PARD3B: variants seen among roughly 807,000 people sequenced by gnomAD.
PARD3B encodes the protein par-3 family cell polarity regulator beta.
A neutral mutation model predicts 130.2 loss-of-function variants in PARD3B; 103 were observed. The observed-to-expected ratio is 0.79, with a 90% CI of 0.67 to 0.93. The LOEUF (loss-of-function observed/expected upper bound fraction) is 0.93. Ranked by LOEUF, PARD3B falls within the 40% of genes least tolerant of loss-of-function variation. PARD3B has a pLI of 0.00. For synonymous variants in PARD3B, 583 were observed against 553.2 expected (o/e 1.05, Z -0.76); for missense variants, 1,609 against 1,499.2 (o/e 1.07, Z -1.21).
In PARD3B at chr2:205,176,390, G is replaced by T; in HGVS notation, c.1792-55G>T. 2 of 1,501,748 alleles carry T rather than the reference G, an allele frequency of 1.3e-6. No homozygotes were observed. The highest frequency in any genetic ancestry group is 2.6e-5 in the South Asian group (2 of 77,290). 93.0% of individuals were successfully genotyped at this position (1,501,748 alleles called of 1,614,324 possible). A position where few individuals can be genotyped will look rare whatever the true frequency, so the allele number is the denominator to read the frequency against. On this transcript the variant is annotated intron_variant, in intron 12 of 22. Transcript: ENST00000406610. This position sits in a 1 kb window ranked among gnomAD's most constrained non-coding sequence, Gnocchi z 5.3. ...ATCATTCTTTCACTTTGCTTCAACT[G>T]ACCAAGTTGGAACATATTAAAAATG...
At chr2:205,335,276 C>T (rs1420757144) in intron 18 of PARD3B, among the ~76,000 whole-genome samples, 2 of 152,186 alleles carry the variant, frequency 1.3e-5, no homozygotes, top group Non-Finnish European at 2.9e-5. Flanking sequence ...GGTGGGAAGT[C>T]TCAGGAACAG....
At chr2:204,611,028 CT>C (rs905880288) in intron 1 of PARD3B, among the ~76,000 whole-genome samples, 1 of 151,872 alleles carries the variant, frequency 6.6e-6, no homozygotes, top group Admixed American at 6.6e-5. Context: ...TTGAGTAGCA[CT>C]TTTTTTTGGC....
chr2:205,301,340 C>T lies in PARD3B; in HGVS notation c.2393-124C>T. 6.8e-7 allele frequency: 1 copy of T among 1,479,254 alleles called. No homozygotes were observed. The highest frequency in any genetic ancestry group is 1.4e-5 in the South Asian group (1 of 70,220). The allele number at this position is 1,479,254 out of a possible 1,614,324, so 91.6% of individuals were successfully genotyped here. A position where few individuals can be genotyped will look rare whatever the true frequency, so the allele number is the denominator to read the frequency against. ...GATCTTCAAAGGGCGCACGTAACCA[C>T]ATAGAAGGGTAGAACTACAGAGTGC... On this transcript the variant is annotated intron_variant, in intron 17 of 22. Coordinates refer to ENST00000406610, the MANE Select transcript of PARD3B (RefSeq NM_001302769.2). The surrounding 1 kb of genome is among the most constrained non-coding windows in gnomAD (Gnocchi z 5.2).
At chr2:204,718,566 G>A (rs1368093093) in intron 2 of PARD3B, among the ~76,000 whole-genome samples, 2 of 152,078 alleles carry the variant, frequency 1.3e-5, no homozygotes, top group African/African-American at 2.4e-5. Context: ...TTGACATGTG[G>A]GGATTACAAT....
Position 205,058,998 on chromosome 2 carries a change from A to G in PARD3B, c.504+11308A>G, listed in dbSNP as rs1345146088. Reference sequence around the variant, plus strand: ...CTTTTTGTATCACATCCAAGAAATCATTACCAAATTCCACATTATGAAGAT... The same window carrying G: ...CTTTTTGTATCACATCCAAGAAATCGTTACCAAATTCCACATTATGAAGAT... On this transcript the variant is annotated intron_variant, in intron 4 of 22. Coordinates refer to ENST00000406610, the MANE Select transcript of PARD3B (RefSeq NM_001302769.2). Among the ~76,000 whole-genome samples, 4 of 151,130 alleles carry G rather than the reference A, an allele frequency of 2.6e-5. 1 individual carries two copies. The highest frequency in any genetic ancestry group is 9.7e-5 in the African/African-American group (4 of 41,128).
intron 12 of PARD3B, among the ~76,000 whole-genome samples, chr2:205,174,276 C>T (rs558504225): frequency 4.2e-4 from 64 of 152,186 alleles, no homozygotes; most frequent in Non-Finnish European, 7.8e-4. Context: ...TGTAGATCAC[C>T]AGGGAATTGA....
intron 14 of PARD3B, 21 bp downstream of exon 14, chr2:205,185,884 C>T (rs373218664): frequency 5.7e-6 from 9 of 1,570,342 alleles, no homozygotes; most frequent in South Asian, 1.1e-5. Flanking sequence ...AATGATGTAT[C>T]GTAAATGCTC....
chr2:205,443,678 T>G (rs1352726648), intron 20 of PARD3B, among the ~76,000 whole-genome samples: 1 of 152,164 alleles, frequency 6.6e-6, no homozygotes, highest in African/African-American at 2.4e-5. Flanking sequence ...CAAAGTGGCC[T>G]GAAAGAGCAG....
At chr2:204,892,575 C>T (rs2046488399) in intron 2 of PARD3B, among the ~76,000 whole-genome samples, 2 of 152,064 alleles carry the variant, frequency 1.3e-5, no homozygotes, top group African/African-American at 4.8e-5. Flanking sequence ...GTGAAATCAT[C>T]TGATATATAA....
chr2:205,167,309 C>T (rs1209307686), intron 11 of PARD3B, among the ~76,000 whole-genome samples: 1 of 152,100 alleles, frequency 6.6e-6, no homozygotes, highest in Non-Finnish European at 1.5e-5. Context: ...ATAACGACCC[C>T]TCACTCCAAA....
intron 14 of PARD3B, among the ~76,000 whole-genome samples, chr2:205,192,279 T>C (rs1298387608): frequency 6.6e-6 from 1 of 152,186 alleles, no homozygotes; most frequent in Non-Finnish European, 1.5e-5. Context: ...AAACTCCAAC[T>C]GTTTGAAAAA....
At chr2:204,960,457 C>A (rs1040404556) in intron 2 of PARD3B, among the ~76,000 whole-genome samples, 1 of 152,056 alleles carries the variant, frequency 6.6e-6, no homozygotes, top group Admixed American at 6.5e-5. Context: ...AGGAATTTAT[C>A]GGCCATAATT....
intron 15 of PARD3B, among the ~76,000 whole-genome samples, chr2:205,209,805 A>AC (rs2037523775): frequency 6.6e-6 from 1 of 151,988 alleles, no homozygotes; most frequent in African/African-American, 2.4e-5. Context: ...AAATATAAAA[A>AC]AAAATTAGAA....
intron 2 of PARD3B, among the ~76,000 whole-genome samples, chr2:204,795,687 A>C (rs1480426436): frequency 6.6e-6 from 1 of 152,232 alleles, no homozygotes; most frequent in Non-Finnish European, 1.5e-5. Flanking sequence ...CCTGCCAAGC[A>C]ACACATTTCT....
chr2:205,398,950 C>T lies in PARD3B; in HGVS notation c.2631-2063C>T, dbSNP rs141852575. On this transcript the variant is annotated intron_variant, in intron 18 of 22. Transcript: ENST00000406610. ...TGGGGCAGGGTTGGGGGTATGAAGC[C>T]GGCCCATACATGTATAATTTGAAAA... Among the ~76,000 whole-genome samples the T allele has an allele frequency of 4.6e-5, 7 of 152,164 alleles. No individual in the cohort carries two copies. In the East Asian group the frequency reaches 7.7e-4, roughly 17 times the overall value.
chr2:205,526,827 T>C (rs2051360860), intron 21 of PARD3B, among the ~76,000 whole-genome samples: 1 of 152,240 alleles, frequency 6.6e-6, no homozygotes. Flanking sequence ...TTTATTTTGC[T>C]GTTTAGAAAT....
intron 2 of PARD3B, among the ~76,000 whole-genome samples, chr2:204,734,603 T>C (rs1481388533): frequency 6.6e-6 from 1 of 152,128 alleles, no homozygotes; most frequent in East Asian, 1.9e-4. Context: ...TGCAAAAACA[T>C]GGATGAGTCT....
intron 4 of PARD3B, among the ~76,000 whole-genome samples, chr2:205,066,042 T>C (rs6760872): frequency 0.34 from 51,341 of 151,910 alleles, 9,072 homozygotes; most frequent in East Asian, 0.53. Flanking sequence ...TTTTGTCTCA[T>C]ATAGGACACA....
intron 1 of PARD3B, among the ~76,000 whole-genome samples, chr2:204,618,903 A>G (rs1194411781): frequency 3.3e-5 from 5 of 152,168 alleles, no homozygotes; most frequent in African/African-American, 1.2e-4. Context: ...TGATTTTTCT[A>G]TCTTATTTTG....
Sources: gnomAD v4.1 joint callset for allele counts (sites outside exome capture counted in the v4.1 genomes callset) on GRCh38, gnomAD v4.1.1 for gene constraint, Gnocchi (gnomAD v3.1) non-coding constraint, MANE v1.5 for transcripts, NCBI Gene and HGNC (gene_info 2026-07-23, HGNC 2026-07-21) for gene names.